MGST1: variants seen among roughly 807,000 people sequenced by gnomAD.
The protein encoded by MGST1 is microsomal glutathione S-transferase 1.
In MGST1, 5 loss-of-function variants were observed where a neutral mutation model predicts 8.9. The ratio of observed to expected loss-of-function variants is 0.56; its 90% CI spans 0.29 to 1.19. The LOEUF (loss-of-function observed/expected upper bound fraction) is 1.19, where lower values mean the gene tolerates loss of function less well. Among genes scored for constraint, MGST1 ranks in the 50% most tolerant of loss-of-function variants. The pLI, the probability that MGST1 is intolerant of heterozygous loss-of-function variation, is 0.08. For missense variants in MGST1, 182 were observed against 187.4 expected (o/e 0.97, Z 0.17); for synonymous variants, 54 against 67.8 (o/e 0.80, Z 1.00).
chr12:16,552,800 T>G (rs1186442218), intron 4 of MGST1, among the ~76,000 whole-genome samples: 1 of 152,054 alleles, frequency 6.6e-6, no homozygotes, highest in Non-Finnish European at 1.5e-5. Flanking sequence ...TTAAGTATAT[T>G]TTCTTTGTAT....
rs983308128 is a variant in MGST1, at chr12:16,548,622, C to G, written n.483-40906C>G. ...ATCGGAGGTGTCCTACTGGAGGCAT[C>G]AGACAACAAGCTAAATGACGTTAGG... On this transcript the variant is annotated intron_variant and non_coding_transcript_variant, in intron 4 of 4. Coordinates refer to the MGST1 transcript ENST00000538857. This position sits in a 1 kb window ranked among gnomAD's most constrained non-coding sequence, Gnocchi z 4.2. The G allele has an allele frequency of 4.6e-5, 7 of 152,108 alleles. No homozygotes were observed. The highest frequency in any genetic ancestry group is 1.4e-4 in the African/African-American group (6 of 41,428). 9.4% of individuals were successfully genotyped at this position (152,108 alleles called of 1,614,324 possible).
chr12:16,531,749 A>C (rs1168497666), intron 4 of MGST1, among the ~76,000 whole-genome samples: 2 of 152,174 alleles, frequency 1.3e-5, no homozygotes, highest in Non-Finnish European at 2.9e-5. Flanking sequence ...GAAGAATGCC[A>C]GCGGGAATGC....
intron 1 of MGST1, among the ~76,000 whole-genome samples, chr12:16,352,223 G>C (rs1167743126): frequency 6.6e-6 from 1 of 152,154 alleles, no homozygotes; most frequent in African/African-American, 2.4e-5. Context: ...CACATAGCAA[G>C]CTCTAATAAA....
chr12:16,589,739 A>G (rs1943432164), downstream of MGST1, among the ~76,000 whole-genome samples: 1 of 152,110 alleles, frequency 6.6e-6, no homozygotes, highest in African/African-American at 2.4e-5. This position sits in a 1 kb window ranked among gnomAD's most constrained non-coding sequence, Gnocchi z 4.2. Context: ...GCCTTGGAAG[A>G]CGAGGATCAC....
At chr12:16,454,689 GGAA>G (rs1390399993) in intron 4 of MGST1, among the ~76,000 whole-genome samples, 3 of 151,676 alleles carry the variant, frequency 2.0e-5, no homozygotes, top group East Asian at 1.9e-4. Context: ...GAAATGTAGA[GGAA>G]GAAGAAGTCA....
At chr12:16,423,162 T>C (rs1273489866) in intron 1 of MGST1, among the ~76,000 whole-genome samples, 2 of 152,182 alleles carry the variant, frequency 1.3e-5, no homozygotes, top group Non-Finnish European at 2.9e-5. Flanking sequence ...ATCACTGACT[T>C]TAATTGCCTA....
At chr12:16,449,559 A>G (rs1393522123) in intron 4 of MGST1, among the ~76,000 whole-genome samples, 1 of 151,932 alleles carries the variant, frequency 6.6e-6, no homozygotes, top group African/African-American at 2.4e-5. Flanking sequence ...TTGGACGAAG[A>G]AAAATCCATG....
rs530837834 is a variant in MGST1, at chr12:16,446,290, T to C, written n.482+62686T>C. ...AGTTGCAGAGTGACTAAGGAAATTATTTCAATATGTGTTTGTCCAGGTGCA... is the reference window on the plus strand; with the variant it reads ...AGTTGCAGAGTGACTAAGGAAATTACTTCAATATGTGTTTGTCCAGGTGCA... On this transcript the variant is annotated intron_variant and non_coding_transcript_variant, in intron 4 of 4. Transcript: ENST00000538857. Among the ~76,000 whole-genome samples, 3 of 151,972 alleles carry C rather than the reference T, an allele frequency of 2.0e-5. No individual in the cohort carries two copies. In the East Asian group the frequency reaches 5.9e-4, roughly 30 times the overall value.
chr12:16,506,188 T>C (rs913267448), intron 4 of MGST1, among the ~76,000 whole-genome samples: 2 of 152,174 alleles, frequency 1.3e-5, no homozygotes, highest in Non-Finnish European at 2.9e-5. Flanking sequence ...TTATTACTCA[T>C]GGTAATAACA....
intron 1 of MGST1, among the ~76,000 whole-genome samples, chr12:16,404,051 C>G (rs1218005374): frequency 6.6e-6 from 1 of 152,266 alleles, no homozygotes; most frequent in Middle Eastern, 3.4e-3. Flanking sequence ...GTCTAGTACT[C>G]TGATTGTAGA....
chr12:16,495,004 G>A (rs1941460982), intron 4 of MGST1, among the ~76,000 whole-genome samples: 1 of 152,088 alleles, frequency 6.6e-6, no homozygotes, highest in Admixed American at 6.6e-5. Flanking sequence ...TTAAAATTCT[G>A]GTTGTACCAA....
chr12:16,532,213 C>G (rs1242230271), intron 4 of MGST1, among the ~76,000 whole-genome samples: 2 of 152,104 alleles, frequency 1.3e-5, no homozygotes, highest in Admixed American at 1.3e-4. Context: ...CTTCAAGAAG[C>G]CTCTTGCGGG....
chr12:16,536,457 A>T (rs1565471241), intron 4 of MGST1, among the ~76,000 whole-genome samples: 1 of 152,226 alleles, frequency 6.6e-6, no homozygotes, highest in Non-Finnish European at 1.5e-5. Flanking sequence ...AAGACAGTAA[A>T]GAATGGTACT....
chr12:16,452,350 A>T (rs6488847), intron 4 of MGST1, among the ~76,000 whole-genome samples: 3 of 151,114 alleles, frequency 2.0e-5, no homozygotes, highest in Non-Finnish European at 4.4e-5. Flanking sequence ...TCTCAAATTC[A>T]CTTCCTTGTA....
At chr12:16,446,698 C>A (rs929704776) in intron 4 of MGST1, among the ~76,000 whole-genome samples, 3 of 151,816 alleles carry the variant, frequency 2.0e-5, no homozygotes, top group African/African-American at 4.8e-5. Context: ...TCTGTGACAG[C>A]CCCTCCTATC....
intron 1 of MGST1, among the ~76,000 whole-genome samples, chr12:16,436,270 C>G (rs1278865305): frequency 2.6e-5 from 4 of 151,882 alleles, no homozygotes; most frequent in Non-Finnish European, 5.9e-5. Context: ...AGGTACTGTG[C>G]GTGATAAAAC....
At position 16,513,889 on chromosome 12, in the gene MGST1, A is replaced by G; in HGVS notation, n.483-75639A>G. 1 of 602,182 alleles carries G rather than the reference A, an allele frequency of 1.7e-6. No homozygotes were observed. Among genetic ancestry groups the G allele is most frequent in the Non-Finnish European group, 3.2e-6 (1 of 311,634 alleles). 37.3% of individuals were successfully genotyped at this position (602,182 alleles called of 1,614,324 possible). A position where few individuals can be genotyped will look rare whatever the true frequency, so the allele number is the denominator to read the frequency against. ...CTGGGGAAGTCGCACACCCATCTTC[A>G]GGGATACTGGCATGCAGCTACAAGG... On this transcript the variant is annotated intron_variant and non_coding_transcript_variant, in intron 4 of 4. Transcript: ENST00000538857. This position sits in a 1 kb window ranked among gnomAD's most constrained non-coding sequence, Gnocchi z 4.2.
At chr12:16,364,848 A>T (rs1940155903), downstream of MGST1, among the ~76,000 whole-genome samples, 1 of 152,214 alleles carries the variant, frequency 6.6e-6, no homozygotes. This position sits in a 1 kb window ranked among gnomAD's most constrained non-coding sequence, Gnocchi z 5.7. Flanking sequence ...GGTTTCACTT[A>T]AATGAGAGAG....
chr12:16,401,896 C>T lies in MGST1; in HGVS notation n.778+18292C>T, dbSNP rs1940658840. The T allele has an allele frequency of 1.2e-6, 2 of 1,604,820 alleles. No homozygotes were observed. The highest frequency in any genetic ancestry group is 1.3e-5 in the African/African-American group (1 of 74,720). ...TTCATTAATTTGAGCTCCCCATCCT[C>T]CCTTACAGCGACTGTATATGCCACA... On this transcript the variant is annotated intron_variant and non_coding_transcript_variant, in intron 1 of 1. Coordinates refer to the MGST1 transcript ENST00000359720. This position sits in a 1 kb window ranked among gnomAD's most constrained non-coding sequence, Gnocchi z 4.3.
Sources: allele counts gnomAD v4.1 joint callset (sites outside exome capture counted in the v4.1 genomes callset), GRCh38; gene constraint gnomAD v4.1.1; non-coding constraint Gnocchi (gnomAD v3.1); transcripts MANE v1.5; gene names NCBI Gene and HGNC (gene_info 2026-07-23, HGNC 2026-07-21).